The following HSPG2 variants were observed in gnomAD, a reference collection of about 807,000 sequenced individuals.
HSPG2 encodes heparan sulfate proteoglycan 2.
HSPG2 carries 278 observed loss-of-function variants against 526.6 expected under a neutral mutation model. The ratio of observed to expected loss-of-function variants is 0.53; its 90% CI spans 0.48 to 0.58. The LOEUF is 0.58. Among genes scored for constraint, HSPG2 ranks in the 20% least tolerant of loss-of-function variants. The pLI is 0.00. For synonymous variants in HSPG2, 2,465 were observed against 2,555.4 expected, an observed-to-expected ratio of 0.96 and a Z score of 1.07; for missense variants, 5,354 against 6,099.5, an observed-to-expected ratio of 0.88 and a Z score of 4.07.
chr1:21,878,404 T>C, intron 20 of HSPG2, 29 bp downstream of exon 20: 1 of 1,592,124 alleles, frequency 6.3e-7, no homozygotes, highest in Non-Finnish European at 8.6e-7. Flanking sequence ...GGGAGGTGGG[T>C]GTCAGGGGAT....
In HSPG2 at chr1:21,912,944, C is replaced by T. The variant is rs150314643; in HGVS notation, c.64-16634G>A. ...GCAGTGAGCTGAGATTGCACCACTG[C>T]ACTCCAGCCTGGGCGAAAGAGTGAG... On this transcript the variant is annotated intron_variant, in intron 1 of 96. Transcript: ENST00000374695. 1.4e-3 allele frequency among the ~76,000 whole-genome samples: 214 copies of T among 151,324 alleles called. 1 individual carries two copies. Among genetic ancestry groups the T allele is most frequent in the African/African-American group, 5.0e-3 (207 of 41,164 alleles).
Position 21,898,272 on chromosome 1 carries a change from G to T in HSPG2, c.64-1962C>A, listed in dbSNP as rs1642888409. On this transcript the variant is annotated intron_variant, in intron 1 of 96. Coordinates refer to ENST00000374695, the MANE Select transcript of HSPG2 (RefSeq NM_005529.7). The surrounding 1 kb of genome is among the most constrained non-coding windows in gnomAD (Gnocchi z 4.0). ...TGTGTTTGCGGTGCTCTCAGACCTT[G>T]GGGAAGGTCTGAGTTGTCCACATCT... 6.6e-6 allele frequency among the ~76,000 whole-genome samples: 1 copy of T among 152,132 alleles called. No individual in the cohort carries two copies. The highest frequency in any genetic ancestry group is 1.5e-5 in the Non-Finnish European group (1 of 68,014).
rs146788534 is a variant in HSPG2, at chr1:21,837,579, G to A, written c.10151-573C>T. Among the ~76,000 whole-genome samples the A allele has an allele frequency of 2.7e-3, 409 of 151,890 alleles. 2 individuals are homozygous for A. Among genetic ancestry groups the A allele is most frequent in the African/African-American group, 8.9e-3 (368 of 41,398 alleles). Reference sequence around the variant, plus strand: ...GCTAGGATTACAGGCGTGAGCCACCGCGCCCGGCCATACTCAGACATTTTA... The same window carrying A: ...GCTAGGATTACAGGCGTGAGCCACCACGCCCGGCCATACTCAGACATTTTA... On this transcript the variant is annotated intron_variant, in intron 74 of 96. Coordinates refer to ENST00000374695, the MANE Select transcript of HSPG2 (RefSeq NM_005529.7).
intron 1 of HSPG2, among the ~76,000 whole-genome samples, chr1:21,905,790 T>A (rs1285272477): frequency 6.6e-6 from 1 of 152,122 alleles, no homozygotes; most frequent in Non-Finnish European, 1.5e-5. Flanking sequence ...ACAGGAGGAT[T>A]ACTTGAGGCC....
At chr1:21,928,615 G>A (rs1223168801) in intron 1 of HSPG2, among the ~76,000 whole-genome samples, 1 of 151,992 alleles carries the variant, frequency 6.6e-6, no homozygotes, top group Non-Finnish European at 1.5e-5. Context: ...TAACTTTTTT[G>A]TATTTTTAGT....
At position 21,844,176 on chromosome 1, in the gene HSPG2, C is replaced by G; in HGVS notation, c.8588G>C (p.Arg2863Pro). ...QAHAQVTWHK[R>P]GGNLPARHQV... ...GTGCCGGGCAGGGAGGTTTCCTCCA[C>G]GCTTGTGCCACGTGACCTGGGCGTG... The change falls in exon 65 of 97, where the codon CGT becomes CCT. Residue 2863 changes from arginine (R) to proline (P), a missense_variant. Transcript: ENST00000374695. The G allele has an allele frequency of 6.2e-7, 1 of 1,613,614 alleles. No individual in the cohort carries two copies. Among genetic ancestry groups the G allele is most frequent in the Non-Finnish European group, 8.5e-7 (1 of 1,180,028 alleles).
rs764094896 is a variant in HSPG2, at chr1:21,881,347, C to T, written c.1810G>A (p.Gly604Ser). ...SFWALPEQFL[G>S]NKVDSYGGSL... The stretch of plus-strand genomic sequence containing the variant: ...CAGCCCAGGCCCCTCACCTTGTTGC[C>T]CAGGAACTGTTCAGGCAGAGCCCAG... The change falls in exon 14 of 97, where the codon GGC (glycine) becomes AGC (serine). Residue 604 changes from glycine (G) to serine (S), a missense_variant. Gly to Ser is a moderately conservative substitution (Grantham distance 56). Coordinates refer to ENST00000374695, the MANE Select transcript of HSPG2 (RefSeq NM_005529.7). 8 of 1,613,746 alleles carry T rather than the reference C, an allele frequency of 5.0e-6. No individual in the cohort carries two copies. In the South Asian group the frequency reaches 6.6e-5, roughly 13 times the overall value.
chr1:21,934,170 T>C (rs1264904029), intron 1 of HSPG2, among the ~76,000 whole-genome samples: 1 of 152,232 alleles, frequency 6.6e-6, no homozygotes, highest in Non-Finnish European at 1.5e-5. Flanking sequence ...CCTGTGGTCC[T>C]GTCCCCCGTC....
At chr1:21,916,771 T>C (rs1008241569) in intron 1 of HSPG2, among the ~76,000 whole-genome samples, 1 of 152,206 alleles carries the variant, frequency 6.6e-6, no homozygotes, top group African/African-American at 2.4e-5. Flanking sequence ...CACGTGTGAC[T>C]AGCAGTTACC....
intron 1 of HSPG2, among the ~76,000 whole-genome samples, chr1:21,916,940 C>A (rs554235659): frequency 3.9e-5 from 6 of 152,284 alleles, no homozygotes; most frequent in Admixed American, 1.3e-4. Flanking sequence ...TGCCACAGGG[C>A]TCCCCACCCA....
At chr1:21,918,721 T>C (rs1643948514) in intron 1 of HSPG2, among the ~76,000 whole-genome samples, 1 of 152,228 alleles carries the variant, frequency 6.6e-6, no homozygotes, top group African/African-American at 2.4e-5. Context: ...ACATGCTACA[T>C]ACTAAATAAA....
At chr1:21,834,483 C>T (rs2098018090) in intron 77 of HSPG2, among the ~76,000 whole-genome samples, 196 bp downstream of exon 77, 2 of 152,174 alleles carry the variant, frequency 1.3e-5, no homozygotes, top group Non-Finnish European at 2.9e-5. Flanking sequence ...CTGTACATTC[C>T]AGGCTGCCCT....
At chr1:21,869,395 TG>T in intron 33 of HSPG2, 2 of 969,358 alleles carry the variant, frequency 2.1e-6, no homozygotes, top group Non-Finnish European at 2.5e-6. Flanking sequence ...TTGGTGAAGT[TG>T]GTTCAGAAAT....
intron 13 of HSPG2, among the ~76,000 whole-genome samples, chr1:21,881,777 T>C (rs1572348392): frequency 6.6e-6 from 1 of 151,462 alleles, no homozygotes; most frequent in East Asian, 1.9e-4. Flanking sequence ...ACCTCGTCTC[T>C]ACTAAAAATA....
intron 3 of HSPG2, among the ~76,000 whole-genome samples, chr1:21,894,233 C>G (rs1187676497): frequency 6.6e-6 from 1 of 151,938 alleles, no homozygotes. Context: ...CACAGCCATG[C>G]CCAGGGGGAG....
Position 21,851,797 on chromosome 1 carries a change from C to T in HSPG2, c.7000G>A (p.Ala2334Thr). The change falls in exon 54 of 97, where the codon GCC becomes ACC. Residue 2334 changes from alanine to threonine, a missense_variant. Ala to Thr is a moderately conservative substitution (Grantham distance 58). Transcript: ENST00000374695. The stretch of plus-strand genomic sequence containing the variant: ...GCCTGGTGGCCCCACTCACGGTAGG[C>T]TAAGTTGGCCCCCTGGGTCCCAGTT... ...TVTGTQGANL[A>T]YPAGSTQPIR... 1 of 1,613,936 alleles carries T rather than the reference C, an allele frequency of 6.2e-7. No individual in the cohort carries two copies. The highest frequency in any genetic ancestry group is 8.5e-7 in the Non-Finnish European group (1 of 1,180,032).
chr1:21,911,840 C>T lies in HSPG2; in HGVS notation c.64-15530G>A, dbSNP rs573853070. Among the ~76,000 whole-genome samples the T allele has an allele frequency of 8.5e-5, 13 of 152,312 alleles. No individual in the cohort carries two copies. In the South Asian group the frequency reaches 2.5e-3, roughly 29 times the overall value. ...GGCCAGCCCAGCTCCACTCCCAGTT[C>T]GGTGCCAAGCCTTTCCAGCCCGCTC... On this transcript the variant is annotated intron_variant, in intron 1 of 96. Coordinates refer to ENST00000374695, the MANE Select transcript of HSPG2 (RefSeq NM_005529.7).
intron 76 of HSPG2, 57 bp downstream of exon 76, chr1:21,835,483 C>T: frequency 8.6e-7 from 1 of 1,160,598 alleles, no homozygotes; most frequent in South Asian, 1.2e-5. Context: ...TTGTGCCTCT[C>T]TGCCTTTCTC....
chr1:21,872,896 C>G lies in HSPG2; in HGVS notation c.3888+101G>C, dbSNP rs1487636551. 6.5e-7 allele frequency: 1 copy of G among 1,535,514 alleles called. No homozygotes were observed. Among genetic ancestry groups the G allele is most frequent in the East Asian group, 2.2e-5 (1 of 44,488 alleles). On this transcript the variant is annotated intron_variant, in intron 31 of 96. Coordinates refer to ENST00000374695, the MANE Select transcript of HSPG2 (RefSeq NM_005529.7). The surrounding 1 kb of genome is among the most constrained non-coding windows in gnomAD (Gnocchi z 5.5). Reference sequence around the variant, plus strand: ...GCCCTGTCCCCCATGCCCTGCCCCCCATGCCCAGGTCTCGGCTTCCACCAG... The same window carrying G: ...GCCCTGTCCCCCATGCCCTGCCCCCGATGCCCAGGTCTCGGCTTCCACCAG...
Sources: allele counts gnomAD v4.1 joint callset (sites outside exome capture counted in the v4.1 genomes callset), GRCh38; gene constraint gnomAD v4.1.1; non-coding constraint Gnocchi (gnomAD v3.1); transcripts MANE v1.5; gene names NCBI Gene and HGNC (gene_info 2026-07-23, HGNC 2026-07-21).